Variants in PLEKHA5 observed in about 807,000 individuals in gnomAD.
PLEKHA5 encodes the protein pleckstrin homology domain-containing family A member 5.
In PLEKHA5, 55 loss-of-function variants were observed where a neutral mutation model predicts 181.9. That is an observed-to-expected ratio of 0.30 (90% CI 0.24 to 0.38). The LOEUF (loss-of-function observed/expected upper bound fraction) is 0.38, where lower values mean the gene tolerates loss of function less well. PLEKHA5 is among the 10% of genes least tolerant of loss of function. PLEKHA5 has a pLI of 1.00. For missense variants in PLEKHA5, 1,432 were observed against 1,549.5 expected, an observed-to-expected ratio of 0.92 and a Z score of 1.27; for synonymous variants, 535 against 529.4, an observed-to-expected ratio of 1.01 and a Z score of -0.15.
intron 28 of PLEKHA5, among the ~76,000 whole-genome samples, chr12:19,361,363 T>G (rs1284717527): frequency 1.3e-5 from 2 of 151,958 alleles, no homozygotes; most frequent in East Asian, 3.9e-4. Context: ...TTTTGTATTT[T>G]CAGTAGAGAC....
At chr12:19,253,706 G>A (rs920932607) in intron 3 of PLEKHA5, among the ~76,000 whole-genome samples, 2 of 150,738 alleles carry the variant, frequency 1.3e-5, no homozygotes, top group South Asian at 4.2e-4. Flanking sequence ...TATAATCCAA[G>A]CTACTTGGGA....
At chr12:19,182,322 T>C (rs990761634) in intron 3 of PLEKHA5, among the ~76,000 whole-genome samples, 2 of 152,214 alleles carry the variant, frequency 1.3e-5, no homozygotes, top group African/African-American at 4.8e-5. Context: ...TGAGACAGTT[T>C]TGGCATTTTT....
At chr12:19,292,776 TAAAAATAC>T (rs2078802700) in intron 15 of PLEKHA5, among the ~76,000 whole-genome samples, 1 of 151,996 alleles carries the variant, frequency 6.6e-6, no homozygotes, top group Admixed American at 6.6e-5. Flanking sequence ...CCGTCTCTAC[TAAAAATAC>T]AAAAACTAGC....
chr12:19,280,044 T>G (rs1291854334), intron 11 of PLEKHA5, among the ~76,000 whole-genome samples: 2 of 130,212 alleles, frequency 1.5e-5, no homozygotes, highest in Non-Finnish European at 3.3e-5. Flanking sequence ...CTGTTTTTTT[T>G]TTTTTTTTTT....
At chr12:19,313,212 C>CA (rs1445539784) in intron 15 of PLEKHA5, among the ~76,000 whole-genome samples, 3 of 151,936 alleles carry the variant, frequency 2.0e-5, no homozygotes, top group East Asian at 1.9e-4. Context: ...CCTGTCTCTA[C>CA]AAAAAATAAA....
intron 3 of PLEKHA5, among the ~76,000 whole-genome samples, chr12:19,192,537 C>CA (rs1431913745): frequency 1.3e-4 from 20 of 151,962 alleles, no homozygotes; most frequent in Admixed American, 1.2e-3. Flanking sequence ...CGTCTCTACT[C>CA]AAAATACAAA....
chr12:19,259,975 C>G (rs1027651708), intron 6 of PLEKHA5, among the ~76,000 whole-genome samples: 2 of 149,454 alleles, frequency 1.3e-5, no homozygotes, highest in African/African-American at 2.5e-5. Context: ...TTTCTTTTTT[C>G]TTTTTTTTTG....
chr12:19,355,624 A>C (rs1360398884), intron 26 of PLEKHA5, among the ~76,000 whole-genome samples: 2 of 152,044 alleles, frequency 1.3e-5, no homozygotes, highest in East Asian at 1.9e-4. Context: ...TGCCAAAAAA[A>C]ACTCAGCTGC....
intron 3 of PLEKHA5, among the ~76,000 whole-genome samples, chr12:19,217,908 A>G (rs1171468258): frequency 6.6e-6 from 1 of 152,208 alleles, no homozygotes; most frequent in East Asian, 1.9e-4. Context: ...TAAATGGATT[A>G]CATTAAGTTA....
Position 19,240,619 on chromosome 12 carries a change from A to G in PLEKHA5, c.228-13321A>G, listed in dbSNP as rs1035406104. Among the ~76,000 whole-genome samples the G allele has an allele frequency of 4.7e-5, 7 of 148,744 alleles. No homozygotes were observed. The South Asian group carries it at 6.3e-4, about 13-fold the overall frequency. ...CCTCACCTGGCTAAGTTTTAATATTATTATTATTAATTATTATTATTATTA... is the reference window on the plus strand; with the variant it reads ...CCTCACCTGGCTAAGTTTTAATATTGTTATTATTAATTATTATTATTATTA... On this transcript the variant is annotated intron_variant, in intron 3 of 31. Coordinates refer to ENST00000429027, the MANE Select transcript of PLEKHA5 (RefSeq NM_001256470.2).
At chr12:19,137,456 T>C (rs1429717204) in intron 3 of PLEKHA5, among the ~76,000 whole-genome samples, 1 of 152,260 alleles carries the variant, frequency 6.6e-6, no homozygotes, top group African/African-American at 2.4e-5. Flanking sequence ...GGACTGTTAA[T>C]ATGTGATTCC....
At chr12:19,319,885 G>A in intron 16 of PLEKHA5, 136 bp from the exon 17 acceptor site, 1 of 515,298 alleles carries the variant, frequency 1.9e-6, no homozygotes, top group South Asian at 2.0e-5. Flanking sequence ...AACATAAATG[G>A]AGTCAACTAA....
intron 3 of PLEKHA5, among the ~76,000 whole-genome samples, chr12:19,248,042 T>A (rs1042946486): frequency 6.6e-6 from 1 of 151,994 alleles, no homozygotes; most frequent in African/African-American, 2.4e-5. Context: ...ACATTTCTCC[T>A]GCTTCAGCCT....
chr12:19,255,270 A>C, intron 5 of PLEKHA5, 105 bp downstream of exon 5: 1 of 625,406 alleles, frequency 1.6e-6, no homozygotes, highest in Non-Finnish European at 2.4e-6. Flanking sequence ...CATTTTTATT[A>C]TTACATGAAT....
intron 9 of PLEKHA5, 35 bp from the exon 10 acceptor site, chr12:19,270,153 C>A: frequency 7.4e-7 from 1 of 1,360,526 alleles, no homozygotes; most frequent in Non-Finnish European, 9.8e-7. Flanking sequence ...ATCCAGAATC[C>A]TAACATTCAA....
chr12:19,243,429 G>A (rs185078899), intron 3 of PLEKHA5: 23 of 152,326 alleles, frequency 1.5e-4, no homozygotes, highest in African/African-American at 5.3e-4. Flanking sequence ...AGGCCATTAC[G>A]TGACAGCTGA....
At chr12:19,368,894 T>C (rs1483289234) in intron 30 of PLEKHA5, among the ~76,000 whole-genome samples, 1 of 152,038 alleles carries the variant, frequency 6.6e-6, no homozygotes, top group African/African-American at 2.4e-5. Context: ...TGGATCAAAG[T>C]GTTATGATAG....
At chr12:19,302,857 A>G (rs975140853) in intron 15 of PLEKHA5, among the ~76,000 whole-genome samples, 18 of 146,692 alleles carry the variant, frequency 1.2e-4, no homozygotes, top group African/African-American at 4.6e-4. Flanking sequence ...GATGTGGAAC[A>G]TTTCCATCAT....
chr12:19,239,857 A>G (rs1370602790), intron 3 of PLEKHA5, among the ~76,000 whole-genome samples: 1 of 151,980 alleles, frequency 6.6e-6, no homozygotes, highest in African/African-American at 2.4e-5. Flanking sequence ...TCAATCCCTA[A>G]TCGGTTTCCC....
Sources: allele counts gnomAD v4.1 joint callset (sites outside exome capture counted in the v4.1 genomes callset), GRCh38; gene constraint gnomAD v4.1.1; transcripts MANE v1.5; gene names NCBI Gene and HGNC (gene_info 2026-07-23, HGNC 2026-07-21).